DCAF6: variants seen among roughly 807,000 people sequenced by gnomAD.
DCAF6 encodes DDB1 and CUL4 associated factor 6, also known as DDB1- and CUL4-associated factor 6.
A neutral mutation model predicts 125.1 loss-of-function variants in DCAF6; 54 were observed. That is an observed-to-expected ratio of 0.43 (90% CI 0.35 to 0.54). DCAF6 has a LOEUF of 0.54. DCAF6 is among the 20% of genes least tolerant of loss of function. The probability of loss-of-function intolerance (pLI) is 0.01; values close to 1 mark genes in which losing one functional copy is unlikely to be tolerated. For missense variants in DCAF6, 934 were observed against 1,161.7 expected, an observed-to-expected ratio of 0.80 and a Z score of 2.85; for synonymous variants, 371 against 390.4, an observed-to-expected ratio of 0.95 and a Z score of 0.58.
intron 3 of DCAF6, among the ~76,000 whole-genome samples, chr1:167,968,855 T>G (rs963842196): frequency 6.6e-6 from 1 of 152,212 alleles, no homozygotes; most frequent in Non-Finnish European, 1.5e-5. Flanking sequence ...TCTATAAAAG[T>G]GAAGGGTAAA....
chr1:167,985,078 C>T (rs1374530492), intron 4 of DCAF6, among the ~76,000 whole-genome samples: 1 of 152,114 alleles, frequency 6.6e-6, no homozygotes, highest in Non-Finnish European at 1.5e-5. Flanking sequence ...ACAAGAACAG[C>T]ATGGGAAAGA....
At chr1:167,916,410 T>A in the DCAF6 span, among the ~76,000 whole-genome samples, 3 of 152,264 alleles carry the variant, frequency 2.0e-5, no homozygotes, top group African/African-American at 7.2e-5. Flanking sequence ...TTTTACCATG[T>A]TGGCCAGGCT....
At chr1:167,896,794 T>A in the DCAF6 span, 4 of 798,650 alleles carry the variant, frequency 5.0e-6, no homozygotes, top group Non-Finnish European at 8.8e-6. Flanking sequence ...GACTGAACAG[T>A]GATTGGCACA....
upstream of DCAF6, among the ~76,000 whole-genome samples, chr1:167,932,800 C>A (rs1232836230): frequency 1.3e-3 from 170 of 135,860 alleles, no homozygotes; most frequent in Non-Finnish European, 2.2e-3. Flanking sequence ...CAGAGCAAGA[C>A]TCTGTCTCAA....
intron 17 of DCAF6, among the ~76,000 whole-genome samples, chr1:168,062,385 C>T (rs1019622038): frequency 6.6e-6 from 1 of 152,032 alleles, no homozygotes; most frequent in South Asian, 2.1e-4. Context: ...TCAACTTTCC[C>T]GTATATGTGT....
At position 168,023,051 on chromosome 1, in the gene DCAF6, C is replaced by T. The variant is rs1452808350; in HGVS notation, c.1609+4C>T. ...ATGTCACTTGACGAGCAACAGGGTG[C>T]GTGCAACAGGAGATGCGCTATGCCC... is the stretch of plus-strand genomic sequence containing the variant. On this transcript the variant is annotated splice_donor_region_variant and intron_variant, in intron 12 of 21. Coordinates refer to ENST00000367840, the MANE Select transcript of DCAF6 (RefSeq NM_001198956.2). 23 of 1,613,824 alleles carry T rather than the reference C, an allele frequency of 1.4e-5. No homozygotes were observed. The highest frequency in any genetic ancestry group is 1.8e-5 in the Non-Finnish European group (21 of 1,179,900).
intron 17 of DCAF6, among the ~76,000 whole-genome samples, chr1:168,058,586 T>C (rs957492561): frequency 2.0e-5 from 3 of 152,156 alleles, no homozygotes; most frequent in Admixed American, 2.0e-4. Context: ...TGTTTGTTTG[T>C]TTTGAGATGG....
At chr1:167,904,764 G>C in the DCAF6 span, 50,078 of 627,528 alleles carry the variant, frequency 0.08, 2,546 homozygotes, top group African/African-American at 0.18. Flanking sequence ...AATGGGACTT[G>C]AGCATGTTAA....
chr1:167,890,625 T>C, the DCAF6 span, among the ~76,000 whole-genome samples: 1 of 152,184 alleles, frequency 6.6e-6, no homozygotes, highest in African/African-American at 2.4e-5. Context: ...CCAGCCAGGT[T>C]TGTGTCTTTC....
chr1:168,008,631 A>G (rs953548574), intron 10 of DCAF6, among the ~76,000 whole-genome samples: 19 of 152,202 alleles, frequency 1.2e-4, no homozygotes, highest in Middle Eastern at 6.8e-3. Flanking sequence ...AGAAGTTCCT[A>G]ATTGCATTTG....
upstream of DCAF6, among the ~76,000 whole-genome samples, chr1:167,934,653 A>G (rs192117865): frequency 6.6e-5 from 10 of 152,340 alleles, no homozygotes; most frequent in African/African-American, 1.9e-4. Context: ...GCTGGTTCAT[A>G]ATCAGATAAT....
At chr1:168,066,623 G>A (rs1692366509) in intron 20 of DCAF6, among the ~76,000 whole-genome samples, 158 bp downstream of exon 20, 1 of 152,108 alleles carries the variant, frequency 6.6e-6, no homozygotes, top group East Asian at 1.9e-4. Flanking sequence ...ATAAAAGGAT[G>A]TCTATAATAC....
At chr1:167,884,612 A>G in the DCAF6 span, among the ~76,000 whole-genome samples, 1 of 150,198 alleles carries the variant, frequency 6.7e-6, no homozygotes, top group Non-Finnish European at 1.5e-5. Context: ...ACCACCCCCA[A>G]TTCCTCCTCA....
the DCAF6 span, chr1:167,920,099 AC>A: frequency 6.5e-7 from 1 of 1,538,704 alleles, no homozygotes; most frequent in African/African-American, 1.4e-5. Flanking sequence ...CCCTGTTGAA[AC>A]AAAATGTTAC....
the DCAF6 span, chr1:167,899,542 C>T: frequency 6.2e-7 from 1 of 1,614,268 alleles, no homozygotes; most frequent in Non-Finnish European, 8.5e-7. Context: ...GCAAGGCGCA[C>T]ATCGTCCACT....
the DCAF6 span, among the ~76,000 whole-genome samples, chr1:167,872,140 G>A: frequency 7.5e-4 from 114 of 152,194 alleles, 1 homozygote; most frequent in East Asian, 0.02. Flanking sequence ...TCAGGAGTTC[G>A]AGACCAGCCT....
chr1:167,889,323 T>G, the DCAF6 span, among the ~76,000 whole-genome samples: 2 of 152,214 alleles, frequency 1.3e-5, no homozygotes, highest in Non-Finnish European at 2.9e-5. Context: ...CAGCATCAAC[T>G]GAAATGATAA....
chr1:168,036,413 C>CT, intron 12 of DCAF6, among the ~76,000 whole-genome samples: 1 of 152,214 alleles, frequency 6.6e-6, no homozygotes, highest in East Asian at 1.9e-4. Context: ...TCTCTACTGT[C>CT]TTTACCTTAA....
chr1:168,019,375 G>A (rs1228619673), intron 11 of DCAF6, among the ~76,000 whole-genome samples: 1 of 152,158 alleles, frequency 6.6e-6, no homozygotes, highest in African/African-American at 2.4e-5. Context: ...ATTGTAGTAT[G>A]TTGTTTGCTA....
Sources: gnomAD v4.1 joint callset for allele counts (sites outside exome capture counted in the v4.1 genomes callset) on GRCh38, gnomAD v4.1.1 for gene constraint, MANE v1.5 for transcripts, NCBI Gene and HGNC (gene_info 2026-07-23, HGNC 2026-07-21) for gene names.